AP1S3: variants seen among roughly 807,000 people sequenced by gnomAD.
The protein encoded by AP1S3 is AP-1 complex subunit sigma-3.
In AP1S3, 10 loss-of-function variants were observed where a neutral mutation model predicts 20.9. The observed-to-expected ratio is 0.48, with a 90% confidence interval of 0.29 to 0.81. AP1S3 has a LOEUF of 0.81. AP1S3 is among the 30% of genes least tolerant of loss of function. AP1S3 has a pLI of 0.08. For missense variants in AP1S3, 154 were observed against 183.8 expected, an observed-to-expected ratio of 0.84 and a Z score of 0.94; for synonymous variants, 41 against 61.5, an observed-to-expected ratio of 0.67 and a Z score of 1.56.
At chr2:223,794,069 GT>G (rs897053225) in intron 1 of AP1S3, among the ~76,000 whole-genome samples, 2 of 151,888 alleles carry the variant, frequency 1.3e-5, no homozygotes, top group Non-Finnish European at 2.9e-5. Context: ...CACCTCTTGG[GT>G]TTTTTTTCCT....
At position 223,756,175 on chromosome 2, in the gene AP1S3, C is replaced by G. The variant is rs1690210292; in HGVS notation, c.*2540G>C. 2.8e-6 allele frequency: 1 copy of G among 350,978 alleles called. No homozygotes were observed. The highest frequency in any genetic ancestry group is 4.0e-6 in the Non-Finnish European group (1 of 250,290). The allele number at this position is 350,978 out of a possible 1,614,324, so 21.7% of individuals were successfully genotyped here. On this transcript the variant is annotated 3_prime_UTR_variant, in exon 5 of 5. Coordinates refer to ENST00000396654, the MANE Select transcript of AP1S3 (RefSeq NM_001039569.2). ...CAACATGGAGAAATCCCAACTCTAC[C>G]AAAAATACAAAATTAGCCAGGCGTG...
intron 1 of AP1S3, among the ~76,000 whole-genome samples, chr2:223,805,865 G>A (rs1691567214): frequency 6.6e-6 from 1 of 152,022 alleles, no homozygotes; most frequent in East Asian, 1.9e-4. Context: ...GGTTAAATTT[G>A]AATATGTTCT....
chr2:223,756,792 A>G lies in AP1S3; in HGVS notation c.*1923T>C. 2 of 985,360 alleles carry G rather than the reference A, an allele frequency of 2.0e-6. No homozygotes were observed. The highest frequency in any genetic ancestry group is 2.4e-6 in the Non-Finnish European group (2 of 829,910). The allele number at this position is 985,360 out of a possible 1,614,324, so 61.0% of individuals were successfully genotyped here. ...GATGAACTAAAGAGAACATTTTTCC[A>G]TCGAGTTCTCTAAAAATCTACCAGA... On this transcript the variant is annotated 3_prime_UTR_variant, in exon 5 of 5. Coordinates refer to ENST00000396654, the MANE Select transcript of AP1S3 (RefSeq NM_001039569.2).
At position 223,791,160 on chromosome 2, in the gene AP1S3, C is replaced by T. The variant is rs1574705993; in HGVS notation, c.4-13291G>A. ...CCAAAACATTGAAAAGGAGGGACTT[C>T]TCCCTAACTCATTCATGAGGCCAGC... On this transcript the variant is annotated intron_variant, in intron 1 of 4. Transcript: ENST00000396654. 2.6e-5 allele frequency among the ~76,000 whole-genome samples: 4 copies of T among 152,166 alleles called. No homozygotes were observed. In the East Asian group the frequency reaches 7.7e-4, roughly 29 times the overall value.
intron 3 of AP1S3, among the ~76,000 whole-genome samples, chr2:223,768,632 A>C (rs1479881169): frequency 1.3e-5 from 2 of 152,180 alleles, no homozygotes; most frequent in Non-Finnish European, 2.9e-5. Context: ...AGGCAGGCAG[A>C]TCACTTGAGG....
intron 1 of AP1S3, among the ~76,000 whole-genome samples, chr2:223,791,485 C>A (rs1015219861): frequency 3.9e-5 from 6 of 152,120 alleles, no homozygotes; most frequent in Admixed American, 1.3e-4. Flanking sequence ...ATTCAACATC[C>A]CTTCATGTTA....
intron 1 of AP1S3, among the ~76,000 whole-genome samples, chr2:223,829,502 G>C (rs961247827): frequency 2.6e-5 from 4 of 152,026 alleles, no homozygotes; most frequent in Non-Finnish European, 4.4e-5. Context: ...CAAGGCGGGG[G>C]AGATCACTTG....
chr2:223,761,445 G>A (rs759247815), intron 4 of AP1S3, among the ~76,000 whole-genome samples: 1 of 151,906 alleles, frequency 6.6e-6, no homozygotes, highest in Non-Finnish European at 1.5e-5. Flanking sequence ...TTTTTTTTGA[G>A]ACAGGGTCTC....
chr2:223,788,491 C>T (rs1255668748), intron 1 of AP1S3, among the ~76,000 whole-genome samples: 2 of 151,108 alleles, frequency 1.3e-5, no homozygotes, highest in African/African-American at 2.4e-5. Context: ...CGGTGGCTCA[C>T]GCCTGTAATC....
chr2:223,802,604 C>T (rs1691495618), intron 1 of AP1S3, among the ~76,000 whole-genome samples: 1 of 152,144 alleles, frequency 6.6e-6, no homozygotes, highest in African/African-American at 2.4e-5. Context: ...CACTCCTGGC[C>T]AAGAGCTCTT....
intron 1 of AP1S3, among the ~76,000 whole-genome samples, chr2:223,810,703 C>T (rs572938245): frequency 6.6e-6 from 1 of 151,248 alleles, no homozygotes; most frequent in South Asian, 2.1e-4. Flanking sequence ...CAAAAAAAGT[C>T]TACATACCTA....
chr2:223,757,633 G>A lies in AP1S3; in HGVS notation c.*1082C>T. ...TATGTCTGATCACTGTTAGGACCTG[G>A]TTATACAGAATTTTCATTCCAGGAA... On this transcript the variant is annotated 3_prime_UTR_variant, in exon 5 of 5. Coordinates refer to ENST00000396654, the MANE Select transcript of AP1S3 (RefSeq NM_001039569.2). 4 of 985,356 alleles carry A rather than the reference G, an allele frequency of 4.1e-6. No homozygotes were observed. The highest frequency in any genetic ancestry group is 4.7e-5 in the South Asian group (1 of 21,288). The allele number at this position is 985,356 out of a possible 1,614,324, so 61.0% of individuals were successfully genotyped here. A position where few individuals can be genotyped will look rare whatever the true frequency, so the allele number is the denominator to read the frequency against.
Position 223,765,195 on chromosome 2 carries a change from T to C in AP1S3, c.429+18A>G, listed in dbSNP as rs759800559. 6.2e-7 allele frequency: 1 copy of C among 1,607,046 alleles called. No individual in the cohort carries two copies. The highest frequency in any genetic ancestry group is 8.5e-7 in the Non-Finnish European group (1 of 1,178,580). ...ATCATCATCATCTTTCTCCCATGGT[T>C]TGGGAAACCGTACTGACCTCCTGTA... On this transcript the variant is annotated intron_variant, in intron 4 of 4. Coordinates refer to ENST00000396654, the MANE Select transcript of AP1S3 (RefSeq NM_001039569.2).
At chr2:223,766,613 T>C (rs1015739039) in intron 3 of AP1S3, among the ~76,000 whole-genome samples, 2 of 152,176 alleles carry the variant, frequency 1.3e-5, no homozygotes, top group African/African-American at 4.8e-5. Context: ...GGTGGGAGTG[T>C]AAATTAGTTC....
intron 1 of AP1S3, among the ~76,000 whole-genome samples, chr2:223,801,533 CT>C (rs1372519901): frequency 6.6e-6 from 1 of 152,112 alleles, no homozygotes; most frequent in African/African-American, 2.4e-5. Context: ...CAATCTCCAC[CT>C]GCTGGGATCA....
At chr2:223,796,654 T>A (rs16865213) in intron 1 of AP1S3, among the ~76,000 whole-genome samples, 14,763 of 152,068 alleles carry the variant, frequency 0.097, 977 homozygotes, top group East Asian at 0.25. Flanking sequence ...TGGGTGTGTA[T>A]TCTTCTAGCA....
At chr2:223,815,122 C>A (rs114452757) in intron 1 of AP1S3, among the ~76,000 whole-genome samples, 2,134 of 152,310 alleles carry the variant, frequency 0.014, 60 homozygotes, top group African/African-American at 0.047. Context: ...CTTAGACTTT[C>A]GATTGATTTT....
rs1690251631 is a variant in AP1S3 at position 223,757,581 on chromosome 2, CCCGG to C, written c.*1130_*1133del. On this transcript the variant is annotated 3_prime_UTR_variant, in exon 5 of 5. Coordinates refer to ENST00000396654, the MANE Select transcript of AP1S3 (RefSeq NM_001039569.2). ...GGGATTACAGGTGTAAGCCACCACT[CCCGG>C]CCTACAAGCTATTTCCCTGTAATAT... The C allele has an allele frequency of 1.0e-6, 1 of 984,948 alleles. No homozygotes were observed. The highest frequency in any genetic ancestry group is 4.7e-5 in the South Asian group (1 of 21,258). 61.0% of individuals were successfully genotyped at this position (984,948 alleles called of 1,614,324 possible).
chr2:223,811,679 TG>T (rs1172263026), intron 1 of AP1S3, among the ~76,000 whole-genome samples: 1 of 152,204 alleles, frequency 6.6e-6, no homozygotes, highest in African/African-American at 2.4e-5. Flanking sequence ...CTATTGATGC[TG>T]GGGGCATTCT....
Sources: allele counts gnomAD v4.1 joint callset (sites outside exome capture counted in the v4.1 genomes callset), GRCh38; gene constraint gnomAD v4.1.1; transcripts MANE v1.5; gene names NCBI Gene and HGNC (gene_info 2026-07-23, HGNC 2026-07-21).